Variants in PDE4D observed in about 807,000 individuals in gnomAD.
The protein encoded by PDE4D is 3',5'-cyclic-AMP phosphodiesterase 4D.
PDE4D carries 24 observed loss-of-function variants against 87.4 expected under a neutral mutation model. That is an observed-to-expected ratio of 0.27 (90% confidence interval 0.20 to 0.39). PDE4D has a LOEUF of 0.39. PDE4D is among the 10% of genes least tolerant of loss of function. The pLI is 1.00. For synonymous variants in PDE4D, 384 were observed against 383.2 expected (o/e 1.00, Z -0.02); for missense variants, 714 against 1,041.0 (o/e 0.69, Z 4.32).
chr5:59,149,456 C>T (rs1281979801), intron 5 of PDE4D, among the ~76,000 whole-genome samples: 1 of 152,248 alleles, frequency 6.6e-6, no homozygotes, highest in East Asian at 1.9e-4. Flanking sequence ...AAGCTGGCTG[C>T]AGCATCAAAC....
At chr5:59,418,151 C>T (rs1793922015) in intron 1 of PDE4D, among the ~76,000 whole-genome samples, 1 of 152,068 alleles carries the variant, frequency 6.6e-6, no homozygotes, top group Non-Finnish European at 1.5e-5. Flanking sequence ...TCATTGCTGC[C>T]ACTTCATTCT....
intron 1 of PDE4D, among the ~76,000 whole-genome samples, chr5:60,484,850 C>T (rs1238482336): frequency 6.6e-6 from 1 of 152,176 alleles, no homozygotes; most frequent in African/African-American, 2.4e-5. Context: ...TTACAAATTA[C>T]ACATTACAAT....
chr5:59,600,212 G>A (rs1054709524), intron 1 of PDE4D, among the ~76,000 whole-genome samples: 1 of 152,210 alleles, frequency 6.6e-6, no homozygotes, highest in Non-Finnish European at 1.5e-5. Flanking sequence ...TGAGCTTAAT[G>A]TGAGTTAGAT....
At chr5:60,504,333 A>G in intron 1 of PDE4D, among the ~76,000 whole-genome samples, 1 of 150,776 alleles carries the variant, frequency 6.6e-6, no homozygotes, top group Non-Finnish European at 1.5e-5. Flanking sequence ...AGTTCTTTTA[A>G]GGTTTTTTTT....
intron 12 of PDE4D, among the ~76,000 whole-genome samples, chr5:58,976,905 C>T (rs1160067976): frequency 6.6e-6 from 1 of 152,188 alleles, no homozygotes; most frequent in Non-Finnish European, 1.5e-5. Context: ...GTGGCCCACA[C>T]AATCTGCTTT....
chr5:59,823,518 A>G (rs1304650969), intron 1 of PDE4D, among the ~76,000 whole-genome samples: 1 of 152,066 alleles, frequency 6.6e-6, no homozygotes, highest in East Asian at 1.9e-4. Flanking sequence ...CTCCATTTGA[A>G]AGCCTTAAGC....
At position 60,374,668 on chromosome 5, in the gene PDE4D, G is replaced by A. The variant is rs567585498; in HGVS notation, c.-90+113274C>T. 1.1e-4 allele frequency among the ~76,000 whole-genome samples: 16 copies of A among 152,244 alleles called. No individual in the cohort carries two copies. The South Asian group carries it at 3.1e-3, about 30-fold the overall frequency. The stretch of plus-strand genomic sequence containing the variant: ...ACAGAATAGAGCAAGCACAGGTCAC[G>A]TAAGATACTATCATATCTCTTCTCC... On this transcript the variant is annotated intron_variant, in intron 1 of 16. Coordinates refer to the PDE4D transcript ENST00000502484.
At chr5:60,443,324 A>G (rs1745389594) in intron 1 of PDE4D, among the ~76,000 whole-genome samples, 1 of 152,180 alleles carries the variant, frequency 6.6e-6, no homozygotes, top group Non-Finnish European at 1.5e-5. Flanking sequence ...AAGGTATTCA[A>G]CTAGTAAAGT....
At chr5:59,098,831 C>T (rs1455030073) in intron 5 of PDE4D, among the ~76,000 whole-genome samples, 3 of 152,054 alleles carry the variant, frequency 2.0e-5, no homozygotes, top group African/African-American at 4.8e-5. Context: ...ATCCACCATC[C>T]GTAACACATG....
chr5:59,803,682 C>T (rs1767416446), intron 1 of PDE4D, among the ~76,000 whole-genome samples: 1 of 152,090 alleles, frequency 6.6e-6, no homozygotes, highest in African/African-American at 2.4e-5. Context: ...AGAACGAGTG[C>T]TCTAAGGTTT....
intron 2 of PDE4D, among the ~76,000 whole-genome samples, chr5:59,199,954 G>A (rs1262891455): frequency 6.6e-6 from 1 of 150,992 alleles, no homozygotes; most frequent in Non-Finnish European, 1.5e-5. Flanking sequence ...ATACATACAT[G>A]TATACATACA....
intron 1 of PDE4D, among the ~76,000 whole-genome samples, chr5:59,482,525 T>C (rs1375721256): frequency 6.6e-6 from 1 of 152,110 alleles, no homozygotes; most frequent in African/African-American, 2.4e-5. Context: ...CCCTTAGAAA[T>C]TCAAGATTTT....
chr5:60,108,336 A>C (rs1481839862), intron 2 of PDE4D, among the ~76,000 whole-genome samples: 7 of 151,892 alleles, frequency 4.6e-5, no homozygotes, highest in Non-Finnish European at 8.8e-5. Context: ...AGAACTACAA[A>C]CCACTGCTCA....
rs181675315 is a variant in PDE4D at position 60,103,421 on chromosome 5, G to A, written c.42+82136C>T. Among the ~76,000 whole-genome samples the A allele has an allele frequency of 3.1e-4, 47 of 152,244 alleles. No homozygotes were observed. In the East Asian group the frequency reaches 9.1e-3, roughly 29 times the overall value. On this transcript the variant is annotated intron_variant, in intron 2 of 16. Transcript: ENST00000502484. Reference sequence around the variant, plus strand: ...AGAGATGAACTATTTCAGCAAAGAGGGGAGTAATTCCCATACCAGCATTCC... The same window carrying A: ...AGAGATGAACTATTTCAGCAAAGAGAGGAGTAATTCCCATACCAGCATTCC...
intron 1 of PDE4D, among the ~76,000 whole-genome samples, chr5:59,669,452 A>C (rs1236963395): frequency 6.6e-6 from 1 of 152,180 alleles, no homozygotes; most frequent in Non-Finnish European, 1.5e-5. Flanking sequence ...ACTCTAAATA[A>C]ATGTATAATT....
At chr5:59,737,625 TTG>T (rs1402261582) in intron 1 of PDE4D, among the ~76,000 whole-genome samples, 1 of 152,116 alleles carries the variant, frequency 6.6e-6, no homozygotes, top group Non-Finnish European at 1.5e-5. Context: ...GTAAAACATA[TTG>T]TTAGTCTTAT....
chr5:60,398,541 G>A (rs1029833181), intron 1 of PDE4D, among the ~76,000 whole-genome samples: 1 of 152,014 alleles, frequency 6.6e-6, no homozygotes, highest in African/African-American at 2.4e-5. Context: ...GTTAGCTATC[G>A]AAGGGAACCT....
chr5:59,217,914 A>G (rs72644094), intron 1 of PDE4D: 37,611 of 401,136 alleles, frequency 0.094, 4,227 homozygotes, highest in East Asian at 0.46. Flanking sequence ...CTCTCCTTGG[A>G]TATGCTTAAA....
At chr5:59,990,542 CAA>C (rs34419687) in intron 2 of PDE4D, among the ~76,000 whole-genome samples, 3 of 151,654 alleles carry the variant, frequency 2.0e-5, no homozygotes, top group Non-Finnish European at 4.4e-5. Flanking sequence ...AAAAAACAAA[CAA>C]AAAAAAAGAG....
Sources: allele counts gnomAD v4.1 joint callset (sites outside exome capture counted in the v4.1 genomes callset), GRCh38; gene constraint gnomAD v4.1.1; transcripts MANE v1.5; gene names NCBI Gene and HGNC (gene_info 2026-07-23, HGNC 2026-07-21).